Variants in C5orf63 observed in about 807,000 individuals in gnomAD.
C5orf63 encodes the protein glutaredoxin-like protein C5orf63.
In C5orf63, 18 loss-of-function variants were observed where a neutral mutation model predicts 13.3. The ratio of observed to expected loss-of-function variants is 1.36; its 90% CI spans 0.94 to 2.01. C5orf63 has a LOEUF of 2.01. Ranked by LOEUF, C5orf63 falls within the 30% of genes most tolerant of loss-of-function variation. C5orf63 has a pLI of 0.00. For synonymous variants in C5orf63, 38 were observed against 44.7 expected, an observed-to-expected ratio of 0.85 and a Z score of 0.60; for missense variants, 118 against 127.7, an observed-to-expected ratio of 0.92 and a Z score of 0.36.
downstream of C5orf63, among the ~76,000 whole-genome samples, chr5:127,049,044 TGA>T (rs1269861851): frequency 6.6e-6 from 1 of 152,094 alleles, no homozygotes; most frequent in African/African-American, 2.4e-5. Context: ...CTGGTTGTAT[TGA>T]GAGTGGGATT....
At chr5:127,062,228 C>G (rs567316414) in intron 2 of C5orf63, among the ~76,000 whole-genome samples, 1 of 152,188 alleles carries the variant, frequency 6.6e-6, no homozygotes, top group South Asian at 2.1e-4. Flanking sequence ...TTCAACCAAT[C>G]TACAGAGCTA....
At chr5:127,052,468 C>T (rs940394194) in intron 4 of C5orf63, 145 bp downstream of exon 4, 2 of 562,918 alleles carry the variant, frequency 3.6e-6, no homozygotes, top group South Asian at 6.2e-5. Context: ...GTAATAAGCA[C>T]TAAACTCTCT....
downstream of C5orf63, among the ~76,000 whole-genome samples, chr5:127,048,268 CA>C (rs1753569109): frequency 3.3e-5 from 5 of 151,820 alleles, no homozygotes; most frequent in African/African-American, 1.2e-4. Flanking sequence ...CACACACACA[CA>C]CACACACACA....
At chr5:127,068,841 C>T (rs1246561196) in intron 2 of C5orf63, among the ~76,000 whole-genome samples, 2 of 152,096 alleles carry the variant, frequency 1.3e-5, no homozygotes, top group African/African-American at 4.8e-5. Context: ...AATAATGATG[C>T]CAATCAAGAA....
intron 2 of C5orf63, among the ~76,000 whole-genome samples, chr5:127,068,697 T>C (rs1333651985): frequency 6.6e-6 from 1 of 152,104 alleles, no homozygotes; most frequent in African/African-American, 2.4e-5. Flanking sequence ...ATAAGCAAGA[T>C]TTTGTTTTAG....
At chr5:127,057,088 G>A (rs576537991) in intron 3 of C5orf63, among the ~76,000 whole-genome samples, 3 of 152,284 alleles carry the variant, frequency 2.0e-5, no homozygotes, top group African/African-American at 7.2e-5. Context: ...AGCCTTAAGG[G>A]ATTATTTAAC....
chr5:127,051,653 C>T lies in C5orf63; in HGVS notation c.*118G>A, dbSNP rs547389644. On this transcript the variant is annotated 3_prime_UTR_variant, in exon 5 of 5. Transcript: ENST00000296662. The stretch of plus-strand genomic sequence containing the variant: ...GAATGTCAACATTTATTTGGCACCA[C>T]TGAATTCAGAACATCCTTAGGGCTC... 3.1e-6 allele frequency: 4 copies of T among 1,286,562 alleles called. No homozygotes were observed. Among genetic ancestry groups the T allele is most frequent in the Middle Eastern group, 2.9e-4 (1 of 3,422 alleles). The allele number at this position is 1,286,562 out of a possible 1,614,324, so 79.7% of individuals were successfully genotyped here.
At chr5:127,071,055 G>T (rs1754518525) in intron 2 of C5orf63, among the ~76,000 whole-genome samples, 1 of 152,090 alleles carries the variant, frequency 6.6e-6, no homozygotes, top group African/African-American at 2.4e-5. Flanking sequence ...TCCCTTCAGG[G>T]ACACTATCTT....
At chr5:127,066,675 C>G (rs1424953190) in intron 2 of C5orf63, among the ~76,000 whole-genome samples, 1 of 151,698 alleles carries the variant, frequency 6.6e-6, no homozygotes, top group Non-Finnish European at 1.5e-5. Context: ...GTTTGATACT[C>G]AGGAAAAAAA....
At chr5:127,059,602 C>T (rs1286418619) in intron 2 of C5orf63, among the ~76,000 whole-genome samples, 1 of 151,804 alleles carries the variant, frequency 6.6e-6, no homozygotes, top group Non-Finnish European at 1.5e-5. Context: ...GTGGTGTACA[C>T]CTGTAGTCCC....
chr5:127,064,546 C>T (rs1580533353), intron 2 of C5orf63, among the ~76,000 whole-genome samples: 2 of 152,308 alleles, frequency 1.3e-5, no homozygotes, highest in South Asian at 4.1e-4. Flanking sequence ...ACACATTAAA[C>T]TATGAATAGG....
chr5:127,059,035 G>A, intron 2 of C5orf63, 33 bp from the exon 3 acceptor site: 1 of 1,267,202 alleles, frequency 7.9e-7, no homozygotes, highest in Non-Finnish European at 1.1e-6. Context: ...GTAAACTTAT[G>A]TGCCCTAGAC....
At chr5:127,056,044 T>C (rs2126886609) in intron 3 of C5orf63, among the ~76,000 whole-genome samples, 1 of 152,300 alleles carries the variant, frequency 6.6e-6, no homozygotes, top group South Asian at 2.1e-4. Context: ...TAGTGGGCAT[T>C]TGTTGGGTTG....
At chr5:127,054,094 A>G (rs1333120246) in intron 3 of C5orf63, among the ~76,000 whole-genome samples, 1 of 152,226 alleles carries the variant, frequency 6.6e-6, no homozygotes, top group Admixed American at 6.5e-5. Flanking sequence ...AACATGCTAA[A>G]TTACAGAAGT....
intron 1 of C5orf63, 40 bp downstream of exon 1, chr5:127,073,411 C>T (rs1204325572): frequency 6.6e-6 from 1 of 152,294 alleles, no homozygotes; most frequent in African/African-American, 2.4e-5. Flanking sequence ...GGCGGAGACC[C>T]GCGAGCGCTC....
downstream of C5orf63, among the ~76,000 whole-genome samples, chr5:127,049,666 C>T (rs556626429): frequency 6.6e-6 from 1 of 152,320 alleles, no homozygotes; most frequent in South Asian, 2.1e-4. Flanking sequence ...GCTGTAAGGA[C>T]TTGTATTCAT....
chr5:127,063,993 T>A (rs1195683860), intron 2 of C5orf63, among the ~76,000 whole-genome samples: 7 of 152,128 alleles, frequency 4.6e-5, no homozygotes, highest in African/African-American at 1.7e-4. Flanking sequence ...CACATCTGGG[T>A]CACTGGGCTC....
At chr5:127,072,861 T>C (rs928613920) in intron 1 of C5orf63, among the ~76,000 whole-genome samples, 1 of 152,224 alleles carries the variant, frequency 6.6e-6, no homozygotes, top group Non-Finnish European at 1.5e-5. Context: ...CTGTTGAGAA[T>C]GTACAGTTTC....
intron 2 of C5orf63, 142 bp from the exon 3 acceptor site, chr5:127,059,144 T>C (rs1754002295): frequency 6.3e-6 from 4 of 633,248 alleles, no homozygotes; most frequent in African/African-American, 1.9e-5. Context: ...GAAAGACCTA[T>C]AAATTTGGCA....
Sources: allele counts gnomAD v4.1 joint callset (sites outside exome capture counted in the v4.1 genomes callset), GRCh38; gene constraint gnomAD v4.1.1; transcripts MANE v1.5; gene names NCBI Gene and HGNC (gene_info 2026-07-23, HGNC 2026-07-21).